Variants in TSC22D2 observed in about 807,000 individuals in gnomAD.
TSC22D2 encodes TSC22 domain family member 2.
In TSC22D2, 5 loss-of-function variants were observed where a neutral mutation model predicts 50.1. That is an observed-to-expected ratio of 0.10 (90% CI 0.05 to 0.21). TSC22D2 has a LOEUF of 0.21. TSC22D2 is among the 10% of genes least tolerant of loss of function. TSC22D2 has a pLI of 1.00. For missense variants in TSC22D2, 1,003 were observed against 1,015.5 expected (o/e 0.99, Z 0.17); for synonymous variants, 501 against 450.1 (o/e 1.11, Z -1.43).
At chr3:150,456,809 T>C (rs1721205990) in intron 1 of TSC22D2, 1 of 371,358 alleles carries the variant, frequency 2.7e-6, no homozygotes, top group East Asian at 6.0e-5. Flanking sequence ...TTAATACAAT[T>C]GAGAGTTAGT....
chr3:150,416,517 G>A (rs6778948), intron 1 of TSC22D2, among the ~76,000 whole-genome samples: 115,123 of 152,018 alleles, frequency 0.76, 43,971 homozygotes, highest in South Asian at 0.83. Flanking sequence ...TGAGGCTACT[G>A]TTTTCGATGG....
chr3:150,427,398 C>T (rs1046409595), intron 1 of TSC22D2, among the ~76,000 whole-genome samples: 5 of 152,000 alleles, frequency 3.3e-5, no homozygotes, highest in African/African-American at 1.2e-4. Flanking sequence ...GGACCATACA[C>T]TATGTGTTTT....
At chr3:150,455,948 A>C (rs538471702) in intron 1 of TSC22D2, among the ~76,000 whole-genome samples, 1 of 151,732 alleles carries the variant, frequency 6.6e-6, no homozygotes, top group East Asian at 1.9e-4. Flanking sequence ...TATTCTTACT[A>C]CTTAATACAT....
At chr3:150,419,470 C>G (rs193000367) in intron 1 of TSC22D2, among the ~76,000 whole-genome samples, 34 of 152,042 alleles carry the variant, frequency 2.2e-4, no homozygotes, top group Non-Finnish European at 1.5e-5. Flanking sequence ...TGTTGATGTT[C>G]TTCATATTGT....
chr3:150,409,289 C>G lies in TSC22D2; in HGVS notation c.-62C>G. ...CTTTGGGGGCCCGTGCTCTGCCCTCCCCGGTTTCCGACAGGACCCAGAGGA... is the reference window on the plus strand; with the variant it reads ...CTTTGGGGGCCCGTGCTCTGCCCTCGCCGGTTTCCGACAGGACCCAGAGGA... On this transcript the variant is annotated 5_prime_UTR_variant, in exon 1 of 3. Coordinates refer to ENST00000688009, the MANE Select transcript of TSC22D2 (RefSeq NM_001303264.2). This position sits in a 1 kb window ranked among gnomAD's most constrained non-coding sequence, Gnocchi z 7.4. 6.6e-7 allele frequency: 1 copy of G among 1,520,950 alleles called. No homozygotes were observed. 94.2% of individuals were successfully genotyped at this position (1,520,950 alleles called of 1,614,324 possible). A position where few individuals can be genotyped will look rare whatever the true frequency, so the allele number is the denominator to read the frequency against.
chr3:150,441,576 ATAGGGAGACCCCGTCTC>A (rs1720718644), intron 1 of TSC22D2, among the ~76,000 whole-genome samples: 1 of 152,088 alleles, frequency 6.6e-6, no homozygotes. Context: ...CCTGGACAAC[ATAGGGAGACCCCGTCTC>A]TACATAAATA....
At chr3:150,426,110 C>T (rs1720177019) in intron 1 of TSC22D2, among the ~76,000 whole-genome samples, 1 of 152,204 alleles carries the variant, frequency 6.6e-6, no homozygotes. Flanking sequence ...TCAGCTGAAC[C>T]ATCTTCAAAT....
At chr3:150,432,771 G>T (rs978763713) in intron 1 of TSC22D2, among the ~76,000 whole-genome samples, 1 of 151,938 alleles carries the variant, frequency 6.6e-6, no homozygotes, top group South Asian at 2.1e-4. Flanking sequence ...ATTTAAATCC[G>T]CAGTTGGGCA....
Position 150,410,466 on chromosome 3 carries a change from C to G in TSC22D2, c.1116C>G (p.Val372=). 1 of 1,608,654 alleles carries G rather than the reference C, an allele frequency of 6.2e-7. No individual in the cohort carries two copies. The highest frequency in any genetic ancestry group is 8.5e-7 in the Non-Finnish European group (1 of 1,178,408). ...TACCGCCCGGACATTTGCTGCCCGT[C>G]CAGCCCTCCGGCCAGAGTGAGTACC... ...PQIPPGHLLP[V]QPSGQSEYLQ... is the part of the protein sequence containing the mutation. The change falls in exon 1 of 3, where the codon GTC becomes GTG. Residue 372 remains valine (V), a synonymous_variant. Transcript: ENST00000688009.
chr3:150,426,904 G>A (rs1162313212), intron 1 of TSC22D2, among the ~76,000 whole-genome samples: 1 of 151,998 alleles, frequency 6.6e-6, no homozygotes, highest in African/African-American at 2.4e-5. Flanking sequence ...GATAAAAAAA[G>A]TCTTCTTATT....
At chr3:150,435,276 C>T (rs879482560) in intron 1 of TSC22D2, among the ~76,000 whole-genome samples, 1 of 152,048 alleles carries the variant, frequency 6.6e-6, no homozygotes, top group Non-Finnish European at 1.5e-5. Flanking sequence ...CCACTGCATC[C>T]GGCCTTTTTA....
intron 1 of TSC22D2, among the ~76,000 whole-genome samples, chr3:150,444,488 C>T (rs75129101): frequency 0.036 from 5,519 of 152,054 alleles, 336 homozygotes; most frequent in African/African-American, 0.13. Context: ...AAATTATGGA[C>T]GAATCAGAGA....
In TSC22D2 at chr3:150,410,891, C is replaced by T; in HGVS notation, c.1541C>T (p.Pro514Leu). 2 of 1,614,096 alleles carry T rather than the reference C, an allele frequency of 1.2e-6. No individual in the cohort carries two copies. The highest frequency in any genetic ancestry group is 1.7e-6 in the Non-Finnish European group (2 of 1,180,024). The change falls in exon 1 of 3, where the codon CCC (proline) becomes CTC (leucine). Residue 514 changes from proline to leucine, a missense_variant. Coordinates refer to ENST00000688009, the MANE Select transcript of TSC22D2 (RefSeq NM_001303264.2). Reference sequence around the variant, plus strand: ...GTTCCAAACGTGCCTGCAGCCGTGCCCGCTCCAAGCGTGCCTAGTGTGTCT... The same window carrying T: ...GTTCCAAACGTGCCTGCAGCCGTGCTCGCTCCAAGCGTGCCTAGTGTGTCT... ...PGVPNVPAAV[P>L]APSVPSVSTT...
chr3:150,410,586 C>T lies in TSC22D2; in HGVS notation c.1236C>T (p.Pro412=), dbSNP rs746947426. The T allele has an allele frequency of 1.9e-6, 3 of 1,557,432 alleles. No individual in the cohort carries two copies. Among genetic ancestry groups the T allele is most frequent in the Non-Finnish European group, 2.6e-6 (3 of 1,152,572 alleles). ...GCCCCGCCACGGCGGCCACCCTTCC[C>T]GTGGGCACCGGCCAGAATGCTTCCT... ...AASPATAATL[P]VGTGQNASSV... Residue 412 remains proline (P), a synonymous_variant, in exon 1 of 3, where the codon CCC becomes CCT. Coordinates refer to ENST00000688009, the MANE Select transcript of TSC22D2 (RefSeq NM_001303264.2).
chr3:150,411,883 AGTCTTCCCAGG>A (rs1156524589), intron 1 of TSC22D2, among the ~76,000 whole-genome samples: 1 of 152,192 alleles, frequency 6.6e-6, no homozygotes, highest in Non-Finnish European at 1.5e-5. Flanking sequence ...CAAGGTCACG[AGTCTTCCCAGG>A]GACTTCTCTA....
At chr3:150,443,152 T>A (rs1242336853) in intron 1 of TSC22D2, among the ~76,000 whole-genome samples, 1 of 152,234 alleles carries the variant, frequency 6.6e-6, no homozygotes, top group Non-Finnish European at 1.5e-5. Flanking sequence ...AGCCTCTGAA[T>A]ACCTCCAGTG....
At position 150,410,084 on chromosome 3, in the gene TSC22D2, C is replaced by G; in HGVS notation, c.734C>G (p.Ser245Cys). 1 of 1,612,968 alleles carries G rather than the reference C, an allele frequency of 6.2e-7. No individual in the cohort carries two copies. The highest frequency in any genetic ancestry group is 8.5e-7 in the Non-Finnish European group (1 of 1,180,004). The part of the protein sequence containing the change: ...AHGPESGTDS[S>C]LTAVSQLPPS... The stretch of plus-strand genomic sequence containing the variant: ...GGGCCCGAGTCGGGAACTGACAGCT[C>G]CTTGACTGCTGTGTCACAGCTACCC... The change falls in exon 1 of 3, where the codon TCC (serine) becomes TGC (cysteine). Residue 245 changes from serine to cysteine, a missense_variant. By Grantham distance (112) the Ser-to-Cys change is moderately radical. Around this residue, in one of 6 missense-constraint regions of TSC22D2, gnomAD observed 696 missense variants for 647.8 expected, o/e 1.07. Transcript: ENST00000688009.
intron 1 of TSC22D2, among the ~76,000 whole-genome samples, chr3:150,454,405 T>C (rs1007792867): frequency 7.2e-5 from 11 of 152,326 alleles, no homozygotes; most frequent in African/African-American, 2.6e-4. Context: ...ATAAAGAATT[T>C]TATATGCCAG....
rs140838521 is a variant in TSC22D2, at chr3:150,432,644, C to G, written c.1958+21336C>G. Reference sequence around the variant, plus strand: ...CAGACAAGAAAGAAATTTAAGGAACCTGGAATTGTTGAACCAGGATAAACA... The same window carrying G: ...CAGACAAGAAAGAAATTTAAGGAACGTGGAATTGTTGAACCAGGATAAACA... On this transcript the variant is annotated intron_variant, in intron 1 of 2. Coordinates refer to ENST00000688009, the MANE Select transcript of TSC22D2 (RefSeq NM_001303264.2). 2.8e-4 allele frequency among the ~76,000 whole-genome samples: 42 copies of G among 151,206 alleles called. No individual in the cohort carries two copies. In the East Asian group the frequency reaches 6.8e-3, roughly 24 times the overall value.
Sources: allele counts gnomAD v4.1 joint callset (sites outside exome capture counted in the v4.1 genomes callset), GRCh38; gene constraint gnomAD v4.1.1; regional missense constraint gnomAD v4.1.1; non-coding constraint Gnocchi (gnomAD v3.1); transcripts MANE v1.5; gene names NCBI Gene and HGNC (gene_info 2026-07-23, HGNC 2026-07-21).